NTRK1: variants seen among roughly 807,000 people sequenced by gnomAD.
NTRK1 encodes neurotrophic receptor tyrosine kinase 1.
NTRK1 carries 62 observed loss-of-function variants against 86.8 expected under a neutral mutation model. That is an observed-to-expected ratio of 0.71 (90% confidence interval 0.58 to 0.88). The LOEUF is 0.88. Ranked by LOEUF, NTRK1 falls within the 40% of genes least tolerant of loss-of-function variation. NTRK1 has a pLI of 0.00. For synonymous variants in NTRK1, 469 were observed against 456.6 expected, an observed-to-expected ratio of 1.03 and a Z score of -0.35; for missense variants, 967 against 1,078.4, an observed-to-expected ratio of 0.90 and a Z score of 1.45.
chr1:156,831,324 G>A (rs1223668677), intron 1 of NTRK1, among the ~76,000 whole-genome samples: 5 of 152,164 alleles, frequency 3.3e-5, no homozygotes, highest in Admixed American at 6.5e-5. Flanking sequence ...TCTACTTCTC[G>A]CTCCTGCTGT....
At chr1:156,836,182 G>A (rs1654594641) in intron 1 of NTRK1, among the ~76,000 whole-genome samples, 1 of 152,082 alleles carries the variant, frequency 6.6e-6, no homozygotes, top group Non-Finnish European at 1.5e-5. Context: ...CCTCAGGATG[G>A]GACCCGTCTC....
intron 1 of NTRK1, among the ~76,000 whole-genome samples, chr1:156,831,513 G>T (rs777761576): frequency 1.3e-5 from 2 of 152,152 alleles, no homozygotes; most frequent in Non-Finnish European, 2.9e-5. Context: ...GTGCTTGGAG[G>T]GGGTGGACAG....
chr1:156,868,638 C>A lies in NTRK1; in HGVS notation c.708C>A (p.Ala236=). 6.4e-7 allele frequency: 1 copy of A among 1,550,878 alleles called. No homozygotes were observed. Among genetic ancestry groups the A allele is most frequent in the Non-Finnish European group, 8.7e-7 (1 of 1,147,006 alleles). ...GWILTELEQS[A]TVMKSGGLPS... ...TCCTCACAGAGCTGGAGCAGTCAGCCACGGTGATGGTGAGAAGACCTTCGC... is the reference window on the plus strand; with the variant it reads ...TCCTCACAGAGCTGGAGCAGTCAGCAACGGTGATGGTGAGAAGACCTTCGC... The change falls in exon 6 of 17, where the codon GCC becomes GCA. Residue 236 remains alanine (A), a synonymous_variant. Transcript: ENST00000524377.
chr1:156,881,388 C>A (rs2102930134), intron 16 of NTRK1, 69 bp from the exon 17 acceptor site: 9 of 1,487,760 alleles, frequency 6.0e-6, no homozygotes, highest in Non-Finnish European at 8.2e-6. Context: ...AGTGAGGGCA[C>A]TGGGACTGGC....
At position 156,860,934 on chromosome 1, in the gene NTRK1, G is replaced by C. The variant is rs1357776731; in HGVS notation, c.-1G>C. The C allele has an allele frequency of 2.0e-6, 3 of 1,463,564 alleles. No individual in the cohort carries two copies. The highest frequency in any genetic ancestry group is 1.5e-5 in the African/African-American group (1 of 67,556). The allele number at this position is 1,463,564 out of a possible 1,614,324, so 90.7% of individuals were successfully genotyped here. A position where few individuals can be genotyped will look rare whatever the true frequency, so the allele number is the denominator to read the frequency against. ...GCCTGAGCGAGGCGGGCGCCGCCGC[G>C]ATGCTGCGAGGCGGACGGCGCGGGC... On this transcript the variant is annotated 5_prime_UTR_variant, in exon 1 of 17. Transcript: ENST00000524377.
At chr1:156,841,661 C>A (rs760229277) in intron 1 of NTRK1, 2 of 1,613,628 alleles carry the variant, frequency 1.2e-6, no homozygotes, top group South Asian at 1.1e-5. Flanking sequence ...CAGCTCGGCC[C>A]CACCAGACAT....
chr1:156,838,240 G>T (rs969385687), intron 1 of NTRK1, among the ~76,000 whole-genome samples: 1 of 152,056 alleles, frequency 6.6e-6, no homozygotes, highest in Non-Finnish European at 1.5e-5. Flanking sequence ...AGGGGGTAGG[G>T]TATGAGATCC....
rs746321316 is a variant in NTRK1, at chr1:156,845,620, T to C, written c.50+3427T>C. 4 of 1,403,942 alleles carry C rather than the reference T, an allele frequency of 2.8e-6. No individual in the cohort carries two copies. The highest frequency in any genetic ancestry group is 4.0e-5 in the Admixed American group (2 of 50,440). 87.0% of individuals were successfully genotyped at this position (1,403,942 alleles called of 1,614,324 possible). A position where few individuals can be genotyped will look rare whatever the true frequency, so the allele number is the denominator to read the frequency against. The stretch of plus-strand genomic sequence containing the variant: ...CCAGGCCGCGCGCGCTCTTCGCACA[T>C]GGGGATGGTGATCGCGTTGTGTAGA... On this transcript the variant is annotated intron_variant, in intron 2 of 16. Coordinates refer to the NTRK1 transcript ENST00000392302.
chr1:156,849,254 C>T (rs1240350410), intron 2 of NTRK1: 9 of 1,613,658 alleles, frequency 5.6e-6, no homozygotes, highest in Non-Finnish European at 7.6e-6. Flanking sequence ...ACAGGCGGCG[C>T]GGTCTCCGTT....
intron 2 of NTRK1, chr1:156,851,952 A>T (rs1655226747): frequency 6.2e-7 from 1 of 1,606,630 alleles, no homozygotes; most frequent in Non-Finnish European, 8.5e-7. Context: ...TGTATGCCGA[A>T]GGTGGAGGCA....
chr1:156,877,486 G>T (rs1375721993), intron 14 of NTRK1, among the ~76,000 whole-genome samples: 1 of 152,248 alleles, frequency 6.6e-6, no homozygotes. Flanking sequence ...TGTGGCCCCA[G>T]GCAGAGCCCC....
At chr1:156,851,949 C>A in intron 2 of NTRK1, 1 of 1,605,950 alleles carries the variant, frequency 6.2e-7, no homozygotes, top group Non-Finnish European at 8.5e-7. Flanking sequence ...TGGTGTATGC[C>A]GAAGGTGGAG....
At chr1:156,845,939 C>A in intron 2 of NTRK1, 1 of 1,608,788 alleles carries the variant, frequency 6.2e-7, no homozygotes. Context: ...GCCTGCGCGT[C>A]GTCCCTGCGC....
In NTRK1 at chr1:156,880,091, C is replaced by T. The variant is rs147776488; in HGVS notation, c.2139C>T (p.Phe713=). The change falls in exon 16 of 17, where the codon TTC becomes TTT. Residue 713 remains phenylalanine, a synonymous_variant. Coordinates refer to ENST00000524377, the MANE Select transcript of NTRK1 (RefSeq NM_002529.4). ...KFTTESDVWS[F]GVVLWEIFTY... ...CCACCGAGAGCGACGTGTGGAGCTT[C>T]GGCGTGGTGCTCTGGGAGATCTTCA... 7 of 1,613,340 alleles carry T rather than the reference C, an allele frequency of 4.3e-6. No homozygotes were observed. The highest frequency in any genetic ancestry group is 2.2e-5 in the South Asian group (2 of 91,050).
intron 2 of NTRK1, among the ~76,000 whole-genome samples, chr1:156,853,179 C>T (rs1480903993): frequency 1.3e-5 from 2 of 152,146 alleles, no homozygotes; most frequent in Non-Finnish European, 2.9e-5. Context: ...CCTTTCTTCT[C>T]CTGCTCACCC....
At chr1:156,840,674 G>A (rs971871787) in intron 1 of NTRK1, 1 of 604,732 alleles carries the variant, frequency 1.7e-6, no homozygotes, top group South Asian at 2.0e-5. Flanking sequence ...CTCCCCCGAG[G>A]GACTCAGAGT....
chr1:156,876,254 C>A lies in NTRK1; in HGVS notation c.1632+44C>A, dbSNP rs1336950596. The A allele has an allele frequency of 3.7e-6, 6 of 1,612,784 alleles. No individual in the cohort carries two copies. In the Admixed American group the frequency reaches 1.0e-4, roughly 27 times the overall value. On this transcript the variant is annotated intron_variant, in intron 13 of 16. Coordinates refer to ENST00000524377, the MANE Select transcript of NTRK1 (RefSeq NM_002529.4). Reference sequence around the variant, plus strand: ...GGGTACTGCTGGCCTGGGTCCCACCCCCAGGAGCTCCATCACATCAGGACA... The same window carrying A: ...GGGTACTGCTGGCCTGGGTCCCACCACCAGGAGCTCCATCACATCAGGACA...
In NTRK1 at chr1:156,821,859, T is replaced by C. The variant is rs1050788953; in HGVS notation, c.-64+6021T>C. Among the ~76,000 whole-genome samples the C allele has an allele frequency of 1.1e-3, 165 of 152,342 alleles. 5 individuals are homozygous for C. The highest frequency in any genetic ancestry group is 2.5e-4 in the Non-Finnish European group (17 of 68,024). ...CTTCCCACTGGATAAGGTTATCCTA[T>C]AGGAACCGACATAGAGGTTTCATCC... On this transcript the variant is annotated intron_variant, in intron 1 of 16. Transcript: ENST00000392302.
In NTRK1 at chr1:156,846,138, T is replaced by G. The variant is rs1184658366; in HGVS notation, c.50+3945T>G. The G allele has an allele frequency of 3.2e-6, 5 of 1,568,506 alleles. No homozygotes were observed. In the African/African-American group the frequency reaches 6.8e-5, roughly 21 times the overall value. On this transcript the variant is annotated intron_variant, in intron 2 of 16. Transcript: ENST00000392302. ...GTGGGAGCTAGGAGTGCGAGAAGGATGCAACTCAGGGGTGTGGGTCTTCCT... is the reference window on the plus strand; with the variant it reads ...GTGGGAGCTAGGAGTGCGAGAAGGAGGCAACTCAGGGGTGTGGGTCTTCCT...
Sources: allele counts gnomAD v4.1 joint callset (sites outside exome capture counted in the v4.1 genomes callset), GRCh38; gene constraint gnomAD v4.1.1; transcripts MANE v1.5; gene names NCBI Gene and HGNC (gene_info 2026-07-23, HGNC 2026-07-21).